Variants in TENM2 observed in about 807,000 individuals in gnomAD.
TENM2 encodes the protein teneurin transmembrane protein 2.
In TENM2, 52 loss-of-function variants were observed where a neutral mutation model predicts 245.2. The observed-to-expected ratio is 0.21, with a 90% CI of 0.17 to 0.27. The LOEUF (loss-of-function observed/expected upper bound fraction) is 0.27. Among genes scored for constraint, TENM2 ranks in the 10% least tolerant of loss-of-function variants. TENM2 has a pLI of 1.00. For missense variants in TENM2, 3,046 were observed against 3,666.8 expected, an observed-to-expected ratio of 0.83 and a Z score of 4.37; for synonymous variants, 1,363 against 1,438.9, an observed-to-expected ratio of 0.95 and a Z score of 1.19.
chr5:167,155,219 C>T, the TENM2 span, among the ~76,000 whole-genome samples: 4 of 152,130 alleles, frequency 2.6e-5, no homozygotes, highest in East Asian at 1.9e-4. Flanking sequence ...GGCAACCTGC[C>T]GTATTGTGGC....
chr5:167,569,365 A>T (rs1339843086), intron 2 of TENM2, among the ~76,000 whole-genome samples: 5 of 152,118 alleles, frequency 3.3e-5, no homozygotes, highest in African/African-American at 1.2e-4. Flanking sequence ...GGTACTAAAG[A>T]TGCAAAGTGT....
At chr5:168,139,649 G>C in intron 12 of TENM2, 1 of 443,902 alleles carries the variant, frequency 2.3e-6, no homozygotes, top group South Asian at 1.6e-5. Flanking sequence ...AGGGGAGGGA[G>C]GGAAGAGCCT....
chr5:168,158,145 A>G (rs1757355164), intron 12 of TENM2, among the ~76,000 whole-genome samples: 1 of 151,946 alleles, frequency 6.6e-6, no homozygotes, highest in Admixed American at 6.6e-5. Flanking sequence ...CTGGTCTCGA[A>G]CTCCGGACTT....
intron 2 of TENM2, among the ~76,000 whole-genome samples, chr5:167,858,734 C>A (rs1337788775): frequency 6.6e-6 from 1 of 150,734 alleles, no homozygotes; most frequent in Non-Finnish European, 1.5e-5. Flanking sequence ...CGACCGCAGC[C>A]GCCGCCGCCC....
exon 18 of TENM2, chr5:168,203,714 C>T: frequency 6.2e-7 from 1 of 1,612,062 alleles, no homozygotes. Context: ...AATATGAGAC[C>T]TGTCCCAGTC....
chr5:167,737,087 ACTC>A (rs1214085454), intron 2 of TENM2, among the ~76,000 whole-genome samples: 1 of 151,978 alleles, frequency 6.6e-6, no homozygotes, highest in East Asian at 1.9e-4. Context: ...CAGAAAGACA[ACTC>A]CTGTCGCTCC....
chr5:168,173,102 C>G (rs1198406981), intron 13 of TENM2, among the ~76,000 whole-genome samples: 1 of 152,192 alleles, frequency 6.6e-6, no homozygotes, highest in Admixed American at 6.5e-5. Context: ...CTTCAGTTTC[C>G]TGGAACTCCA....
chr5:167,181,843 A>G, the TENM2 span, among the ~76,000 whole-genome samples: 33 of 152,146 alleles, frequency 2.2e-4, no homozygotes, highest in African/African-American at 7.2e-4. Context: ...AACTTAAGAA[A>G]TCCACATATT....
intron 1 of TENM2, among the ~76,000 whole-genome samples, chr5:167,346,902 G>A (rs1220087286): frequency 1.3e-5 from 2 of 152,002 alleles, no homozygotes; most frequent in Admixed American, 6.6e-5. Context: ...AGCCCCAAGA[G>A]TAGCTGGAAC....
chr5:167,478,008 T>C (rs932914762), intron 2 of TENM2, among the ~76,000 whole-genome samples: 4 of 152,212 alleles, frequency 2.6e-5, no homozygotes, highest in African/African-American at 9.6e-5. Flanking sequence ...TAGTTACTCA[T>C]AATCACCTTG....
the TENM2 span, among the ~76,000 whole-genome samples, chr5:167,190,765 C>T: frequency 6.6e-6 from 1 of 151,976 alleles, no homozygotes; most frequent in Admixed American, 6.6e-5. Context: ...TTGAGGGGGC[C>T]CATTTCACCA....
At chr5:167,600,901 C>A (rs1171819341) in intron 2 of TENM2, among the ~76,000 whole-genome samples, 1 of 152,172 alleles carries the variant, frequency 6.6e-6, no homozygotes, top group South Asian at 2.1e-4. Flanking sequence ...GGCATTTTGT[C>A]TCTTTTTCAT....
rs545390979 is a variant in TENM2 at position 167,837,390 on chromosome 5, G to A, written c.503-38596G>A. On this transcript the variant is annotated intron_variant, in intron 2 of 28. Coordinates refer to ENST00000518659, the Ensembl canonical transcript of TENM2. Reference sequence around the variant, plus strand: ...TACTGCTGAATCACCCTCCAAAAAGGTTGTAGATCAAAATACGCTCTCTCA... The same window carrying A: ...TACTGCTGAATCACCCTCCAAAAAGATTGTAGATCAAAATACGCTCTCTCA... Among the ~76,000 whole-genome samples the A allele has an allele frequency of 4.6e-5, 7 of 152,076 alleles. No individual in the cohort carries two copies. In the South Asian group the frequency reaches 1.2e-3, roughly 27 times the overall value.
the TENM2 span, among the ~76,000 whole-genome samples, chr5:167,160,268 G>A: frequency 6.6e-6 from 1 of 152,190 alleles, no homozygotes; most frequent in African/African-American, 2.4e-5. Context: ...AGCATCCTTT[G>A]CACTTAAAGT....
At chr5:167,341,666 A>T (rs1207796706) in intron 1 of TENM2, among the ~76,000 whole-genome samples, 2 of 151,802 alleles carry the variant, frequency 1.3e-5, no homozygotes, top group East Asian at 3.9e-4. Flanking sequence ...GAGGCTGTAG[A>T]TCTCTTTTTC....
chr5:167,810,387 G>A (rs1338288335), intron 2 of TENM2, among the ~76,000 whole-genome samples: 1 of 151,992 alleles, frequency 6.6e-6, no homozygotes, highest in Admixed American at 6.6e-5. Context: ...GTCACTGTTT[G>A]GGTCCTTTTA....
intron 2 of TENM2, among the ~76,000 whole-genome samples, chr5:167,519,191 G>A (rs558597694): frequency 5.3e-5 from 8 of 152,246 alleles, no homozygotes; most frequent in African/African-American, 1.9e-4. Context: ...GTTGTCTCAT[G>A]GAGTCATATG....
intron 12 of TENM2, among the ~76,000 whole-genome samples, chr5:168,128,581 A>G (rs915407693): frequency 1.3e-5 from 2 of 152,204 alleles, no homozygotes; most frequent in Non-Finnish European, 2.9e-5. Context: ...GTGTTTCCAC[A>G]ATGATGCCTG....
At chr5:167,747,825 T>C (rs1001544668) in intron 2 of TENM2, among the ~76,000 whole-genome samples, 1 of 152,168 alleles carries the variant, frequency 6.6e-6, no homozygotes, top group African/African-American at 2.4e-5. Context: ...AATAAGTGTA[T>C]CTTCCTATTC....
Sources: gnomAD v4.1 joint callset for allele counts (sites outside exome capture counted in the v4.1 genomes callset) on GRCh38, gnomAD v4.1.1 for gene constraint, MANE v1.5 for transcripts, NCBI Gene and HGNC (gene_info 2026-07-23, HGNC 2026-07-21) for gene names.